Variants in MGST1 observed in about 807,000 individuals in gnomAD.
MGST1 encodes the protein microsomal glutathione S-transferase 1.
MGST1 carries 5 observed loss-of-function variants against 8.9 expected under a neutral mutation model. The ratio of observed to expected loss-of-function variants is 0.56; its 90% CI spans 0.29 to 1.19. The LOEUF (loss-of-function observed/expected upper bound fraction) is 1.19. Among genes scored for constraint, MGST1 ranks in the 50% most tolerant of loss-of-function variants. MGST1 has a pLI of 0.08. For synonymous variants in MGST1, 54 were observed against 67.8 expected (o/e 0.80, Z 1.00); for missense variants, 182 against 187.4 (o/e 0.97, Z 0.17).
At chr12:16,373,858 T>A (rs561999191) in intron 3 of MGST1, among the ~76,000 whole-genome samples, 10 of 152,224 alleles carry the variant, frequency 6.6e-5, no homozygotes, top group African/African-American at 2.2e-4. Flanking sequence ...TTTCAAGAAT[T>A]TTCTCAGTTG....
intron 1 of MGST1, chr12:16,400,206 G>A: frequency 1.1e-6 from 1 of 938,996 alleles, no homozygotes; most frequent in Non-Finnish European, 1.8e-6. Flanking sequence ...CCACTTCTGT[G>A]TAGAACTGCA....
Position 16,354,459 on chromosome 12 carries a change from T to C in MGST1, c.126+81T>C, listed in dbSNP as rs907743540. 13 of 1,463,838 alleles carry C rather than the reference T, an allele frequency of 8.9e-6. No individual in the cohort carries two copies. The African/African-American group carries it at 1.7e-4, about 19-fold the overall frequency. The allele number at this position is 1,463,838 out of a possible 1,614,324, so 90.7% of individuals were successfully genotyped here. A position where few individuals can be genotyped will look rare whatever the true frequency, so the allele number is the denominator to read the frequency against. On this transcript the variant is annotated intron_variant, in intron 2 of 3. Transcript: ENST00000396210. ...CAGTTTTCTTAATTTTCTTTTTTTATTTTTGGTAAAGCCCAATAGCACACT... is the reference window on the plus strand; with the variant it reads ...CAGTTTTCTTAATTTTCTTTTTTTACTTTTGGTAAAGCCCAATAGCACACT...
chr12:16,474,750 G>T (rs1278691672), intron 4 of MGST1, among the ~76,000 whole-genome samples: 1 of 152,114 alleles, frequency 6.6e-6, no homozygotes, highest in East Asian at 1.9e-4. Flanking sequence ...CAGTAATATT[G>T]ATAATAAAAT....
chr12:16,555,238 C>T lies in MGST1; in HGVS notation n.483-34290C>T, dbSNP rs1319895603. ...TTCCCTAGCAAGAAATATTTCTCCCCTTTTTCTGTCTACTTAAATTGTAAC... is the reference window on the plus strand; with the variant it reads ...TTCCCTAGCAAGAAATATTTCTCCCTTTTTTCTGTCTACTTAAATTGTAAC... On this transcript the variant is annotated intron_variant and non_coding_transcript_variant, in intron 4 of 4. Coordinates refer to the MGST1 transcript ENST00000538857. This position sits in a 1 kb window ranked among gnomAD's most constrained non-coding sequence, Gnocchi z 5.5. Among the ~76,000 whole-genome samples the T allele has an allele frequency of 6.6e-6, 1 of 152,146 alleles. No individual in the cohort carries two copies. Among genetic ancestry groups the T allele is most frequent in the Admixed American group, 6.5e-5 (1 of 15,278 alleles).
At chr12:16,439,922 A>G (rs965975229), downstream of MGST1, among the ~76,000 whole-genome samples, 5 of 151,806 alleles carry the variant, frequency 3.3e-5, no homozygotes, top group African/African-American at 7.2e-5. Flanking sequence ...TCATTTTAAC[A>G]TCAAAGCTCA....
chr12:16,431,291 G>A (rs547415898), intron 1 of MGST1, among the ~76,000 whole-genome samples: 27 of 152,278 alleles, frequency 1.8e-4, no homozygotes, highest in Admixed American at 5.9e-4. Context: ...TCATTCATGT[G>A]TTGACTGGAG....
At chr12:16,522,471 A>G (rs1159171749) in intron 4 of MGST1, among the ~76,000 whole-genome samples, 1 of 151,998 alleles carries the variant, frequency 6.6e-6, no homozygotes, top group Non-Finnish European at 1.5e-5. Flanking sequence ...AGGTAATGTT[A>G]TGGTACTTCT....
downstream of MGST1, among the ~76,000 whole-genome samples, chr12:16,381,560 G>T (rs1455907656): frequency 1.3e-5 from 2 of 152,088 alleles, no homozygotes; most frequent in African/African-American, 4.8e-5. Context: ...TTTCTCTCTG[G>T]CTGCTCTTAA....
chr12:16,348,373 T>G (rs1169808461), intron 1 of MGST1, among the ~76,000 whole-genome samples: 1 of 152,140 alleles, frequency 6.6e-6, no homozygotes, highest in Non-Finnish European at 1.5e-5. Flanking sequence ...ACTTCCCCAG[T>G]CTGGAGGAGG....
rs1470008497 is a variant in MGST1 at position 16,584,049 on chromosome 12, G to A, written n.483-5479G>A. ...TATAATTCTGGGATGGCAGGCTGAT[G>A]TTCAGTAGGGTCAAGGAGGCTCAAC... On this transcript the variant is annotated intron_variant and non_coding_transcript_variant, in intron 4 of 4. Transcript: ENST00000538857. The surrounding 1 kb of genome is among the most constrained non-coding windows in gnomAD (Gnocchi z 5.2). Among the ~76,000 whole-genome samples the A allele has an allele frequency of 6.6e-6, 1 of 152,190 alleles. No homozygotes were observed. Among genetic ancestry groups the A allele is most frequent in the Non-Finnish European group, 1.5e-5 (1 of 68,030 alleles).
chr12:16,456,950 T>C (rs1357685382), intron 4 of MGST1, among the ~76,000 whole-genome samples: 2 of 151,920 alleles, frequency 1.3e-5, no homozygotes, highest in East Asian at 3.9e-4. Flanking sequence ...CAGCTCTCCC[T>C]CTCTTTGGTT....
At chr12:16,424,142 A>G (rs969250454) in intron 1 of MGST1, among the ~76,000 whole-genome samples, 1 of 152,182 alleles carries the variant, frequency 6.6e-6, no homozygotes, top group Admixed American at 6.5e-5. Flanking sequence ...ACCAAGAACA[A>G]TTGTAGATGT....
At chr12:16,400,994 T>C in intron 1 of MGST1, 2 of 1,506,480 alleles carry the variant, frequency 1.3e-6, no homozygotes, top group South Asian at 1.1e-5. Flanking sequence ...TTCTTTTTGA[T>C]GTGCTCTTCA....
chr12:16,389,968 T>G lies in MGST1; in HGVS notation n.778+6364T>G, dbSNP rs996928740. Among the ~76,000 whole-genome samples, 8 of 152,210 alleles carry G rather than the reference T, an allele frequency of 5.3e-5. No individual in the cohort carries two copies. Among genetic ancestry groups the G allele is most frequent in the Non-Finnish European group, 1.2e-4 (8 of 68,028 alleles). On this transcript the variant is annotated intron_variant and non_coding_transcript_variant, in intron 1 of 1. Transcript: ENST00000359720. The surrounding 1 kb of genome is among the most constrained non-coding windows in gnomAD (Gnocchi z 4.6). ...AAGGGAGTTGAAGTGCAATACAGAC[T>G]GCAGCTCCATCCGTCAGAGGGTTGA...
chr12:16,435,385 G>A (rs911573948), intron 1 of MGST1, among the ~76,000 whole-genome samples: 3 of 151,664 alleles, frequency 2.0e-5, no homozygotes, highest in East Asian at 1.9e-4. Flanking sequence ...TCTTTTTCAC[G>A]ATTCCAGGAA....
chr12:16,566,851 GA>G (rs1942633918), intron 4 of MGST1, among the ~76,000 whole-genome samples: 1 of 152,120 alleles, frequency 6.6e-6, no homozygotes, highest in African/African-American at 2.4e-5. Flanking sequence ...TACACTGAAT[GA>G]AAAGGAAAGA....
chr12:16,495,729 A>G (rs1941465667), intron 4 of MGST1, among the ~76,000 whole-genome samples: 1 of 151,520 alleles, frequency 6.6e-6, no homozygotes, highest in South Asian at 2.1e-4. Flanking sequence ...AGTCTGGACT[A>G]TATGATCTGC....
intron 1 of MGST1, chr12:16,399,300 G>T: frequency 6.2e-7 from 1 of 1,606,278 alleles, no homozygotes. Flanking sequence ...CTTGGGGGGT[G>T]CAGAGCTGTG....
In MGST1 at chr12:16,555,750, A is replaced by G. The variant is rs1942167657; in HGVS notation, n.483-33778A>G. Among the ~76,000 whole-genome samples the G allele has an allele frequency of 6.6e-6, 1 of 152,112 alleles. No individual in the cohort carries two copies. Among genetic ancestry groups the G allele is most frequent in the African/African-American group, 2.4e-5 (1 of 41,430 alleles). On this transcript the variant is annotated intron_variant and non_coding_transcript_variant, in intron 4 of 4. Transcript: ENST00000538857. This position sits in a 1 kb window ranked among gnomAD's most constrained non-coding sequence, Gnocchi z 5.5. Reference sequence around the variant, plus strand: ...CGCTTTTCATTTCCTAAACACGTCAAATGCTTTCACATCTGCATGCCTTTG... The same window carrying G: ...CGCTTTTCATTTCCTAAACACGTCAGATGCTTTCACATCTGCATGCCTTTG...
Sources: gnomAD v4.1 joint callset for allele counts (sites outside exome capture counted in the v4.1 genomes callset) on GRCh38, gnomAD v4.1.1 for gene constraint, Gnocchi (gnomAD v3.1) non-coding constraint, MANE v1.5 for transcripts, NCBI Gene and HGNC (gene_info 2026-07-23, HGNC 2026-07-21) for gene names.